The following ALPK1 variants were observed in gnomAD, a reference collection of about 807,000 sequenced individuals.
ALPK1 encodes the protein alpha kinase 1.
ALPK1 carries 110 observed loss-of-function variants against 120.6 expected under a neutral mutation model. The observed-to-expected ratio is 0.91, with a 90% CI of 0.78 to 1.07. The LOEUF (loss-of-function observed/expected upper bound fraction) is 1.07, where lower values mean the gene tolerates loss of function less well. Among genes scored for constraint, ALPK1 ranks in the 50% least tolerant of loss-of-function variants. ALPK1 has a pLI of 0.00. For synonymous variants in ALPK1, 582 were observed against 560.3 expected (o/e 1.04, Z -0.55); for missense variants, 1,498 against 1,483.9 (o/e 1.01, Z -0.16).
At chr4:112,404,115 G>A (rs547440998) in intron 4 of ALPK1, among the ~76,000 whole-genome samples, 4 of 152,276 alleles carry the variant, frequency 2.6e-5, no homozygotes, top group South Asian at 4.2e-4. Flanking sequence ...ATCAATCCTC[G>A]GAGTTGGTGA....
intron 1 of ALPK1, among the ~76,000 whole-genome samples, chr4:112,312,822 C>T (rs1728467331): frequency 6.6e-6 from 1 of 152,178 alleles, no homozygotes; most frequent in Non-Finnish European, 1.5e-5. Context: ...GTTATCACCC[C>T]AAGTCATAGT....
At chr4:112,301,138 C>T (rs778906593) in intron 1 of ALPK1, among the ~76,000 whole-genome samples, 14 of 152,088 alleles carry the variant, frequency 9.2e-5, no homozygotes, top group Non-Finnish European at 1.6e-4. Flanking sequence ...GCTGGTCAGC[C>T]CGTCATCATT....
At chr4:112,409,640 C>T (rs1294026489) in intron 4 of ALPK1, among the ~76,000 whole-genome samples, 1 of 152,136 alleles carries the variant, frequency 6.6e-6, no homozygotes, top group Non-Finnish European at 1.5e-5. Context: ...GACAAATTGC[C>T]GTTTCCTTTA....
At chr4:112,343,891 C>A (rs2148707391) in intron 2 of ALPK1, among the ~76,000 whole-genome samples, 1 of 152,270 alleles carries the variant, frequency 6.6e-6, no homozygotes, top group South Asian at 2.1e-4. Flanking sequence ...ACAAGGCCTT[C>A]ATTTAATTCT....
At chr4:112,328,187 C>A (rs1165880562) in intron 2 of ALPK1, among the ~76,000 whole-genome samples, 1 of 152,250 alleles carries the variant, frequency 6.6e-6, no homozygotes, top group African/African-American at 2.4e-5. Context: ...CCCAAAGATT[C>A]TTAGCTGACA....
chr4:112,339,387 G>T (rs1578478458), intron 2 of ALPK1, among the ~76,000 whole-genome samples: 1 of 152,296 alleles, frequency 6.6e-6, no homozygotes, highest in East Asian at 1.9e-4. Context: ...AATAACATTA[G>T]ATAGTGTAAC....
intron 11 of ALPK1, among the ~76,000 whole-genome samples, chr4:112,433,583 G>T (rs1162343597): frequency 4.6e-5 from 7 of 152,228 alleles, no homozygotes; most frequent in Admixed American, 1.3e-4. Flanking sequence ...GGAAGCCTGG[G>T]CTGGAGCCAC....
At chr4:112,359,495 C>A in intron 2 of ALPK1, 1 of 265,788 alleles carries the variant, frequency 3.8e-6, no homozygotes, top group Non-Finnish European at 7.4e-6. Flanking sequence ...CAGACCTGGC[C>A]AGCCAGCCCA....
intron 12 of ALPK1, 92 bp from the exon 13 acceptor site, chr4:112,438,392 T>C: frequency 1.7e-6 from 2 of 1,186,302 alleles, no homozygotes; most frequent in South Asian, 2.9e-5. Flanking sequence ...CTTTCAAGCA[T>C]TTCTGCATAT....
In ALPK1 at chr4:112,430,478, A is replaced by G; in HGVS notation, c.931A>G (p.Ser311Gly). 6.2e-7 allele frequency: 1 copy of G among 1,611,982 alleles called. No homozygotes were observed. The highest frequency in any genetic ancestry group is 8.5e-7 in the Non-Finnish European group (1 of 1,179,010). ...NIRGTCLLSY[S>G]SSNDCPPELK... The stretch of plus-strand genomic sequence containing the variant: ...CCGTGGCACGTGTTTATTGTCCTAC[A>G]GTAGTTCAAATGACTGTCCTCCAGA... The change falls in exon 11 of 16, where the codon AGT becomes GGT. Residue 311 changes from serine to glycine, a missense_variant. Ser to Gly is a moderately conservative substitution (Grantham distance 56, BLOSUM62 0). Coordinates refer to ENST00000650871, the MANE Select transcript of ALPK1 (RefSeq NM_025144.4).
chr4:112,405,765 C>T (rs978550083), intron 4 of ALPK1, among the ~76,000 whole-genome samples: 14 of 151,966 alleles, frequency 9.2e-5, no homozygotes, highest in African/African-American at 2.9e-4. Flanking sequence ...TTAGTAGAGA[C>T]GGGGTTTCAC....
rs1211819405 is a variant in ALPK1 at position 112,324,966 on chromosome 4, CA to C, written c.-101+9122del. On this transcript the variant is annotated intron_variant, in intron 2 of 15. Transcript: ENST00000650871. ...AGAAGAAGGAGAGTCACTGAGGAAC[CA>C]AAAAAAAGGGGGGGGGGGGCAAATA... Among the ~76,000 whole-genome samples the C allele has an allele frequency of 5.5e-4, 45 of 81,166 alleles. No individual in the cohort carries two copies. The Middle Eastern group carries it at 0.021, about 39-fold the overall frequency. The allele number at this position is 81,166 out of a possible 152,430, so 53.2% of individuals were successfully genotyped here. A position where few individuals can be genotyped will look rare whatever the true frequency, so the allele number is the denominator to read the frequency against.
intron 2 of ALPK1, among the ~76,000 whole-genome samples, chr4:112,335,625 A>G (rs993383349): frequency 2.0e-5 from 3 of 152,212 alleles, no homozygotes; most frequent in Admixed American, 1.3e-4. Context: ...CATAATGGAT[A>G]TAATATATTC....
Position 112,303,407 on chromosome 4 carries a change from C to A in ALPK1, c.-153+5938C>A, listed in dbSNP as rs536794088. Among the ~76,000 whole-genome samples, 724 of 152,300 alleles carry A rather than the reference C, an allele frequency of 4.8e-3. 5 individuals are homozygous for A. The highest frequency in any genetic ancestry group is 7.4e-3 in the Non-Finnish European group (506 of 68,014). On this transcript the variant is annotated intron_variant, in intron 1 of 15. Transcript: ENST00000650871. ...CTGGCACTAAAATTCACCCCAAATTCAGCCAAGCCAAAAACTTTGAAGTCA... is the reference window on the plus strand; with the variant it reads ...CTGGCACTAAAATTCACCCCAAATTAAGCCAAGCCAAAAACTTTGAAGTCA...
At chr4:112,382,612 A>C in intron 4 of ALPK1, 60 bp downstream of exon 4, 1 of 1,610,608 alleles carries the variant, frequency 6.2e-7, no homozygotes, top group Non-Finnish European at 8.5e-7. Context: ...TTAGACTCTA[A>C]GTGGTCTAAT....
intron 12 of ALPK1, among the ~76,000 whole-genome samples, chr4:112,435,913 C>T (rs968891916): frequency 6.6e-6 from 1 of 152,174 alleles, no homozygotes; most frequent in African/African-American, 2.4e-5. Context: ...AAAACCCCAC[C>T]CCAGTGAAGT....
At chr4:112,327,076 G>T (rs1435174465) in intron 2 of ALPK1, among the ~76,000 whole-genome samples, 1 of 152,220 alleles carries the variant, frequency 6.6e-6, no homozygotes, top group African/African-American at 2.4e-5. Flanking sequence ...TTCAAAGTGA[G>T]GGGGAGAGGG....
At chr4:112,357,849 C>A in intron 2 of ALPK1, 2 of 1,134,686 alleles carry the variant, frequency 1.8e-6, no homozygotes, top group Non-Finnish European at 1.3e-6. Context: ...AGGCCCACTA[C>A]TTGGCTAGGA....
rs1731735693 is a variant in ALPK1 at position 112,377,858 on chromosome 4, T to G, written c.81T>G (p.Asp27Glu). ...ATCAGCTCTTGTTGGAAGCGCCAGA[T>G]GTGTCGGAAGAGGACAAGAGCGAGG... ...VLDQLLLEAP[D>E]VSEEDKSEDQ... Residue 27 changes from aspartate (D) to glutamate (E), a missense_variant, in exon 3 of 16, where the codon GAT becomes GAG. Physicochemically the swap from Asp to Glu is conservative, Grantham distance 45. Coordinates refer to ENST00000650871, the MANE Select transcript of ALPK1 (RefSeq NM_025144.4). The G allele has an allele frequency of 6.2e-7, 1 of 1,613,556 alleles. No homozygotes were observed. Among genetic ancestry groups the G allele is most frequent in the Admixed American group, 1.7e-5 (1 of 59,992 alleles).
Sources: gnomAD v4.1 joint callset for allele counts (sites outside exome capture counted in the v4.1 genomes callset) on GRCh38, gnomAD v4.1.1 for gene constraint, MANE v1.5 for transcripts, NCBI Gene and HGNC (gene_info 2026-07-23, HGNC 2026-07-21) for gene names.